Variants in SNTG1 observed in about 807,000 individuals in gnomAD.
The protein encoded by SNTG1 is syntrophin gamma 1.
In SNTG1, 39 loss-of-function variants were observed where a neutral mutation model predicts 74.7. That is an observed-to-expected ratio of 0.52 (90% CI 0.40 to 0.68). SNTG1 has a LOEUF of 0.68. Among genes scored for constraint, SNTG1 ranks in the 30% least tolerant of loss-of-function variants. The probability of loss-of-function intolerance (pLI) is 0.00; values close to 1 mark genes in which losing one functional copy is unlikely to be tolerated. For missense variants in SNTG1, 685 were observed against 609.5 expected, an observed-to-expected ratio of 1.12 and a Z score of -1.30; for synonymous variants, 254 against 217.1, an observed-to-expected ratio of 1.17 and a Z score of -1.49.
chr8:50,101,779 A>G (rs991387877), intron 1 of SNTG1, among the ~76,000 whole-genome samples: 4 of 151,804 alleles, frequency 2.6e-5, no homozygotes, highest in Non-Finnish European at 5.9e-5. Flanking sequence ...TCATTGTTCA[A>G]TTCCCACCTA....
At chr8:50,495,550 T>A (rs755341607) in intron 8 of SNTG1, among the ~76,000 whole-genome samples, 5 of 152,046 alleles carry the variant, frequency 3.3e-5, no homozygotes, top group Non-Finnish European at 7.4e-5. Flanking sequence ...TTCCAAAAGT[T>A]ATGTGATAAG....
At chr8:50,506,936 A>C (rs1214907890) in intron 9 of SNTG1, among the ~76,000 whole-genome samples, 3 of 152,118 alleles carry the variant, frequency 2.0e-5, no homozygotes, top group Non-Finnish European at 4.4e-5. Flanking sequence ...GTATAATGTT[A>C]GCTATGGGCT....
intron 1 of SNTG1, among the ~76,000 whole-genome samples, chr8:50,006,997 T>G (rs1815302713): frequency 6.6e-6 from 1 of 152,234 alleles, no homozygotes. Context: ...GCATTTTGTT[T>G]GTAGCAGTTG....
In SNTG1 at chr8:50,275,752, G is replaced by A. The variant is rs1000480254; in HGVS notation, c.-28+103117G>A. ...CATTAGTTACTGTGGAAATTTTCCTGCAAGATATGGACTCCAGCGACTACT... is the reference window on the plus strand; with the variant it reads ...CATTAGTTACTGTGGAAATTTTCCTACAAGATATGGACTCCAGCGACTACT... On this transcript the variant is annotated intron_variant, in intron 2 of 18. Transcript: ENST00000642720. Among the ~76,000 whole-genome samples the A allele has an allele frequency of 5.9e-5, 9 of 152,238 alleles. No homozygotes were observed. In the East Asian group the frequency reaches 1.5e-3, roughly 26 times the overall value.
At chr8:50,489,984 A>T (rs1419431937) in intron 8 of SNTG1, among the ~76,000 whole-genome samples, 1 of 152,202 alleles carries the variant, frequency 6.6e-6, no homozygotes, top group Non-Finnish European at 1.5e-5. Flanking sequence ...AGTGTCCTGC[A>T]TGTGGCTAGC....
intron 1 of SNTG1, among the ~76,000 whole-genome samples, chr8:50,041,603 A>G (rs1233576803): frequency 2.0e-5 from 3 of 152,162 alleles, no homozygotes; most frequent in East Asian, 1.9e-4. Context: ...AGTTTGTACA[A>G]CTTTCACAAT....
intron 1 of SNTG1, among the ~76,000 whole-genome samples, chr8:49,970,458 G>A (rs1324028856): frequency 2.0e-5 from 3 of 152,240 alleles, no homozygotes; most frequent in Admixed American, 6.5e-5. Flanking sequence ...TGTGAACAGT[G>A]CTTCTCTTCC....
chr8:50,763,772 C>G (rs1216130412), intron 18 of SNTG1, among the ~76,000 whole-genome samples: 1 of 145,478 alleles, frequency 6.9e-6, no homozygotes, highest in Non-Finnish European at 1.5e-5. Flanking sequence ...CTATATTACC[C>G]CCAAAAGATT....
chr8:50,009,039 A>C (rs2130542456), intron 1 of SNTG1, among the ~76,000 whole-genome samples: 1 of 152,186 alleles, frequency 6.6e-6, no homozygotes, highest in African/African-American at 2.4e-5. Context: ...TTATTTATTT[A>C]TGAGAAGTTA....
rs1018645567 is a variant in SNTG1 at position 50,792,087 on chromosome 8, T to A, written c.1396-584T>A. 5.9e-5 allele frequency among the ~76,000 whole-genome samples: 9 copies of A among 151,810 alleles called. No individual in the cohort carries two copies. In the South Asian group the frequency reaches 6.2e-4, roughly 10 times the overall value. On this transcript the variant is annotated intron_variant, in intron 18 of 18. Coordinates refer to ENST00000642720, the MANE Select transcript of SNTG1 (RefSeq NM_018967.5). ...ATTAGTGAGCTCTAGTTTATTTTTT[T>A]TTTTTTTAGTAAATATGCCACATAA...
chr8:49,912,758 C>T (rs112263270), intron 1 of SNTG1, among the ~76,000 whole-genome samples: 115 of 152,266 alleles, frequency 7.6e-4, no homozygotes, highest in African/African-American at 2.5e-3. Flanking sequence ...TAGGATCTTA[C>T]GTAAGGAGAC....
intron 1 of SNTG1, among the ~76,000 whole-genome samples, chr8:50,120,239 TAAG>T (rs1234473895): frequency 7.1e-6 from 1 of 140,790 alleles, no homozygotes; most frequent in Admixed American, 7.4e-5. Context: ...AGAAAACACT[TAAG>T]AAAAAGTTAG....
chr8:50,673,090 T>C (rs894266280), intron 15 of SNTG1, among the ~76,000 whole-genome samples: 11 of 152,208 alleles, frequency 7.2e-5, no homozygotes, highest in African/African-American at 2.7e-4. Flanking sequence ...CCTTGTAGTA[T>C]AGTTTGAAGT....
intron 1 of SNTG1, among the ~76,000 whole-genome samples, chr8:49,913,477 A>G (rs1805754644): frequency 6.6e-6 from 1 of 152,138 alleles, no homozygotes; most frequent in Non-Finnish European, 1.5e-5. Flanking sequence ...ATGTTGGCTG[A>G]GTGTAGCAAT....
intron 8 of SNTG1, among the ~76,000 whole-genome samples, chr8:50,467,399 T>C (rs373601332): frequency 6.6e-6 from 1 of 151,926 alleles, no homozygotes; most frequent in South Asian, 2.1e-4. Context: ...ACCCAGATCA[T>C]GTAAGTTATC....
chr8:50,193,316 C>T (rs1433707395), intron 2 of SNTG1, among the ~76,000 whole-genome samples: 3 of 152,006 alleles, frequency 2.0e-5, no homozygotes, highest in African/African-American at 7.2e-5. Flanking sequence ...GTGTCATCTA[C>T]AATTTATTTC....
intron 12 of SNTG1, among the ~76,000 whole-genome samples, chr8:50,589,227 T>C (rs1003857119): frequency 3.3e-5 from 5 of 152,130 alleles, no homozygotes; most frequent in Non-Finnish European, 7.3e-5. Flanking sequence ...TAAGTTGATC[T>C]TTTCCAAGGT....
intron 1 of SNTG1, among the ~76,000 whole-genome samples, chr8:49,991,451 G>T (rs1585798829): frequency 6.6e-6 from 1 of 152,032 alleles, no homozygotes; most frequent in African/African-American, 2.4e-5. Flanking sequence ...ATACCCAAGA[G>T]AAATGATAAC....
At position 50,280,046 on chromosome 8, in the gene SNTG1, T is replaced by A. The variant is rs1174258771; in HGVS notation, c.-28+107411T>A. Among the ~76,000 whole-genome samples the A allele has an allele frequency of 4.6e-5, 7 of 152,342 alleles. No homozygotes were observed. In the East Asian group the frequency reaches 1.3e-3, roughly 29 times the overall value. ...AAGCTTCTCCCTTGTCTGATGTTTCTCAAAATAGTTTGTTCCAAATTATTT... is the reference window on the plus strand; with the variant it reads ...AAGCTTCTCCCTTGTCTGATGTTTCACAAAATAGTTTGTTCCAAATTATTT... On this transcript the variant is annotated intron_variant, in intron 2 of 18. Transcript: ENST00000642720.
Sources: gnomAD v4.1 joint callset for allele counts (sites outside exome capture counted in the v4.1 genomes callset) on GRCh38, gnomAD v4.1.1 for gene constraint, MANE v1.5 for transcripts, NCBI Gene and HGNC (gene_info 2026-07-23, HGNC 2026-07-21) for gene names.